Variants in CIMAP2 observed in about 807,000 individuals in gnomAD.
The protein encoded by CIMAP2 is ciliary microtubule-associated protein 2.
chr1:54,827,340 C>G, the CIMAP2 span, among the ~76,000 whole-genome samples: 4 of 152,344 alleles, frequency 2.6e-5, no homozygotes, highest in South Asian at 2.1e-4. Context: ...CTCAGCTGCT[C>G]TTTTGCAAAG....
At chr1:54,808,049 C>G in the CIMAP2 span, 6 of 1,496,500 alleles carry the variant, frequency 4.0e-6, no homozygotes, top group Non-Finnish European at 5.3e-6. Context: ...AGCAGAGAGC[C>G]TGGCATACAC....
chr1:54,811,765 G>GCCGGGGGGGGGGGGGGCCCCCCCCCCCC, the CIMAP2 span: 13 of 1,301,294 alleles, frequency 1.0e-5, no homozygotes, highest in East Asian at 2.5e-5. Context: ...GGTTCTGACA[G>GCCGGGGGGGGGGGGGGCCCCCCCCCCCC]CCTCCATGCC....
At chr1:54,838,129 A>T in the CIMAP2 span, among the ~76,000 whole-genome samples, 1 of 152,056 alleles carries the variant, frequency 6.6e-6, no homozygotes, top group Non-Finnish European at 1.5e-5. Context: ...GGGCTTGGAA[A>T]GGGGTAACAA....
chr1:54,835,666 G>T, the CIMAP2 span, among the ~76,000 whole-genome samples: 1 of 152,114 alleles, frequency 6.6e-6, no homozygotes, highest in Non-Finnish European at 1.5e-5. Flanking sequence ...TGCACCTACT[G>T]TGTGCCAGGC....
chr1:54,811,935 C>T, the CIMAP2 span: 8 of 1,614,008 alleles, frequency 5.0e-6, no homozygotes, highest in Non-Finnish European at 6.8e-6. Flanking sequence ...TCATCAGGTA[C>T]CCCCTCGGCT....
chr1:54,812,151 C>T, the CIMAP2 span: 20 of 1,614,182 alleles, frequency 1.2e-5, no homozygotes, highest in East Asian at 2.9e-4. Flanking sequence ...CTCTGGTGAT[C>T]GGAGCAAGCC....
the CIMAP2 span, among the ~76,000 whole-genome samples, chr1:54,840,584 T>C: frequency 6.6e-6 from 1 of 152,228 alleles, no homozygotes; most frequent in Non-Finnish European, 1.5e-5. Context: ...GGCTGGTCCA[T>C]TTTGCACTCC....
chr1:54,811,861 C>T, the CIMAP2 span: 3 of 1,599,788 alleles, frequency 1.9e-6, no homozygotes, highest in East Asian at 4.5e-5. Flanking sequence ...GAGGAGAATG[C>T]CTGGAACCGG....
chr1:54,829,743 T>C, the CIMAP2 span, among the ~76,000 whole-genome samples: 1 of 152,188 alleles, frequency 6.6e-6, no homozygotes, highest in Non-Finnish European at 1.5e-5. Flanking sequence ...TTGATAACAA[T>C]ATGCTCTGGT....
the CIMAP2 span, chr1:54,813,943 T>G: frequency 6.2e-7 from 1 of 1,611,666 alleles, no homozygotes; most frequent in Non-Finnish European, 8.5e-7. Flanking sequence ...GAGGATTTAC[T>G]GGGCCAACCT....
At chr1:54,814,151 C>T in the CIMAP2 span, among the ~76,000 whole-genome samples, 8 of 152,142 alleles carry the variant, frequency 5.3e-5, no homozygotes, top group Non-Finnish European at 1.0e-4. Context: ...CTTTGGGCGT[C>T]GGTTTATACC....
At chr1:54,840,360 A>G in the CIMAP2 span, among the ~76,000 whole-genome samples, 1 of 152,208 alleles carries the variant, frequency 6.6e-6, no homozygotes, top group Admixed American at 6.5e-5. Context: ...TATGGTTGTG[A>G]CACAGTTTGT....
the CIMAP2 span, chr1:54,811,765 G>GCCGGGGGGGGGGGGCCCCCCC: frequency 2.0e-5 from 26 of 1,301,244 alleles, no homozygotes; most frequent in East Asian, 2.5e-5. Flanking sequence ...GGTTCTGACA[G>GCCGGGGGGGGGGGGCCCCCCC]CCTCCATGCC....
At chr1:54,808,532 C>T in the CIMAP2 span, among the ~76,000 whole-genome samples, 4 of 139,570 alleles carry the variant, frequency 2.9e-5, no homozygotes, top group East Asian at 4.2e-4. Context: ...AGGAGGCGAG[C>T]GAGAGGGCAG....
chr1:54,839,774 G>T, the CIMAP2 span, among the ~76,000 whole-genome samples: 1 of 151,992 alleles, frequency 6.6e-6, no homozygotes. Flanking sequence ...TTTTGAGATA[G>T]TGTCAACACT....
At chr1:54,811,766 C>CCGGGGGGGGGGGGGGGGG in the CIMAP2 span, 2 of 1,305,188 alleles carry the variant, frequency 1.5e-6, no homozygotes, top group Non-Finnish European at 2.2e-6. Flanking sequence ...GTTCTGACAG[C>CCGGGGGGGGGGGGGGGGG]CTCCATGCCC....
chr1:54,832,050 G>T, the CIMAP2 span, among the ~76,000 whole-genome samples: 36 of 152,288 alleles, frequency 2.4e-4, no homozygotes, highest in Middle Eastern at 3.4e-3. Flanking sequence ...TCACCATGTT[G>T]CCCAGGCTGG....
At chr1:54,806,903 C>T in the CIMAP2 span, 75 of 1,164,050 alleles carry the variant, frequency 6.4e-5, no homozygotes, top group Non-Finnish European at 7.6e-5. Flanking sequence ...AAGTCACCTT[C>T]CCGGGCAGCC....
chr1:54,816,406 T>C, the CIMAP2 span, among the ~76,000 whole-genome samples: 152,233 of 152,250 alleles, frequency 1, 76,108 homozygotes, highest in Non-Finnish European at 1. Context: ...ATCTCCTTTC[T>C]CAACCTCTCT....
Sources: gnomAD v4.1 joint callset for allele counts (sites outside exome capture counted in the v4.1 genomes callset) on GRCh38, gnomAD v4.1.1 for gene constraint, MANE v1.5 for transcripts, NCBI Gene and HGNC (gene_info 2026-07-23, HGNC 2026-07-21) for gene names.